TBC1D31: variants seen among roughly 807,000 people sequenced by gnomAD.
TBC1D31 encodes TBC1 domain family member 31, also known as WD repeat domain 67.
Under a neutral mutation model 132.9 loss-of-function variants are expected in TBC1D31, and 99 were observed. The ratio of observed to expected loss-of-function variants is 0.74; its 90% CI spans 0.63 to 0.88. The LOEUF (loss-of-function observed/expected upper bound fraction) is 0.88, where lower values mean the gene tolerates loss of function less well. TBC1D31 is among the 40% of genes least tolerant of loss of function. The pLI is 0.00. For missense variants in TBC1D31, 1,134 were observed against 1,256.6 expected, an observed-to-expected ratio of 0.90 and a Z score of 1.48; for synonymous variants, 385 against 419.4, an observed-to-expected ratio of 0.92 and a Z score of 1.00.
chr8:123,116,268 C>T (rs11781484), intron 10 of TBC1D31, among the ~76,000 whole-genome samples: 45,663 of 151,918 alleles, frequency 0.3, 6,888 homozygotes, highest in African/African-American at 0.32. Context: ...TCATATCTTA[C>T]ACCATATAAA....
chr8:123,097,095 A>C (rs911048856), intron 5 of TBC1D31, among the ~76,000 whole-genome samples, 187 bp from the exon 6 acceptor site: 1 of 152,222 alleles, frequency 6.6e-6, no homozygotes, highest in Non-Finnish European at 1.5e-5. Context: ...AAATTAAATA[A>C]AATTTAAAAA....
chr8:123,128,185 A>AG, intron 13 of TBC1D31, 96 bp from the exon 14 acceptor site: 1 of 619,240 alleles, frequency 1.6e-6, no homozygotes, highest in South Asian at 2.4e-5. Context: ...ATATATTCTT[A>AG]AAGATAGATA....
At chr8:123,119,238 C>T (rs1461421684) in intron 10 of TBC1D31, among the ~76,000 whole-genome samples, 2 of 152,182 alleles carry the variant, frequency 1.3e-5, no homozygotes, top group Non-Finnish European at 2.9e-5. Context: ...TAATTTGGCA[C>T]TGACTTTCGA....
In TBC1D31 at chr8:123,072,710, C is replaced by CCGGGAAGGCGCTGGGACGGTTACCCAG; in HGVS notation, c.-55_-29dup. 2.6e-6 allele frequency: 4 copies of CCGGGAAGGCGCTGGGACGGTTACCCAG among 1,527,640 alleles called. No individual in the cohort carries two copies. Among genetic ancestry groups the CCGGGAAGGCGCTGGGACGGTTACCCAG allele is most frequent in the Non-Finnish European group, 3.5e-6 (4 of 1,129,230 alleles). 94.6% of individuals were successfully genotyped at this position (1,527,640 alleles called of 1,614,324 possible). A position where few individuals can be genotyped will look rare whatever the true frequency, so the allele number is the denominator to read the frequency against. On this transcript the variant is annotated 5_prime_UTR_variant, in exon 1 of 22. Transcript: ENST00000287380. ...TCCCGGGCCGGGAGCGCTGGGCCTG[C>CCGGGAAGGCGCTGGGACGGTTACCCAG]CGGGAAGGCGCTGGGACGGTTACCC...
Position 123,140,960 on chromosome 8 carries a change from T to C in TBC1D31, c.2640+59T>C, listed in dbSNP as rs1821600615. 4 of 1,490,612 alleles carry C rather than the reference T, an allele frequency of 2.7e-6. No homozygotes were observed. In the South Asian group the frequency reaches 4.9e-5, roughly 18 times the overall value. 92.3% of individuals were successfully genotyped at this position (1,490,612 alleles called of 1,614,324 possible). A position where few individuals can be genotyped will look rare whatever the true frequency, so the allele number is the denominator to read the frequency against. The stretch of plus-strand genomic sequence containing the variant: ...GGAGAAATTTTCATCTGTCACCCTC[T>C]TAAGAGAACAAAATCGAAATTAAAC... On this transcript the variant is annotated intron_variant, in intron 18 of 21. Transcript: ENST00000287380.
intron 11 of TBC1D31, among the ~76,000 whole-genome samples, chr8:123,121,532 G>A (rs116282830): frequency 6.6e-6 from 1 of 152,090 alleles, no homozygotes; most frequent in Non-Finnish European, 1.5e-5. Context: ...GGTTGTAAGC[G>A]AGTTCTCGCT....
At position 123,151,894 on chromosome 8, in the gene TBC1D31, C is replaced by T; in HGVS notation, c.3156C>T (p.Ala1052=). Reference sequence around the variant, plus strand: ...GAAATCTTCGCCAGAGACTCACTGCCCGGGCTCGTCACAGATGTCAAACCC... The same window carrying T: ...GAAATCTTCGCCAGAGACTCACTGCTCGGGCTCGTCACAGATGTCAAACCC... ...KVRNLRQRLT[A]RARHRCQTPH... The change falls in exon 22 of 22, where the codon GCC becomes GCT. Residue 1052 remains alanine, a synonymous_variant. Transcript: ENST00000287380. 1 of 1,587,206 alleles carries T rather than the reference C, an allele frequency of 6.3e-7. No homozygotes were observed. The highest frequency in any genetic ancestry group is 2.3e-5 in the East Asian group (1 of 43,634).
At chr8:123,131,342 C>T (rs987337988) in intron 16 of TBC1D31, among the ~76,000 whole-genome samples, 15 of 119,594 alleles carry the variant, frequency 1.3e-4, no homozygotes, top group Non-Finnish European at 1.9e-4. Context: ...CCAGCCTGAG[C>T]GACAGAGTGA....
chr8:123,140,287 G>A lies in TBC1D31; in HGVS notation c.2500-474G>A, dbSNP rs569546476. Reference sequence around the variant, plus strand: ...TGAGGCAGGAGAATCACTTGAACCCGGGAGGTGGAGGTTGCAGTGAGCTGA... The same window carrying A: ...TGAGGCAGGAGAATCACTTGAACCCAGGAGGTGGAGGTTGCAGTGAGCTGA... On this transcript the variant is annotated intron_variant, in intron 17 of 21. Coordinates refer to ENST00000287380, the MANE Select transcript of TBC1D31 (RefSeq NM_145647.4). 1.9e-4 allele frequency among the ~76,000 whole-genome samples: 29 copies of A among 152,260 alleles called. No homozygotes were observed. The South Asian group carries it at 5.0e-3, about 26-fold the overall frequency.
At chr8:123,102,870 C>T (rs1487578855) in intron 7 of TBC1D31, 3 of 152,384 alleles carry the variant, frequency 2.0e-5, no homozygotes, top group Admixed American at 1.3e-4. Context: ...GGTCCCCAAG[C>T]GTAGCGCTGA....
At chr8:123,077,629 T>C (rs1814679638) in intron 2 of TBC1D31, among the ~76,000 whole-genome samples, 1 of 151,950 alleles carries the variant, frequency 6.6e-6, no homozygotes, top group Admixed American at 6.6e-5. Context: ...CCTCCCAGGT[T>C]CCAGCTACCG....
At chr8:123,072,951 C>G in intron 1 of TBC1D31, 105 bp downstream of exon 1, 1 of 1,172,038 alleles carries the variant, frequency 8.5e-7, no homozygotes, top group African/African-American at 1.5e-5. Context: ...CTGACCTTGC[C>G]CCGCATCCCT....
chr8:123,102,270 A>C, intron 7 of TBC1D31: 1 of 456,700 alleles, frequency 2.2e-6, no homozygotes, highest in Non-Finnish European at 4.4e-6. Flanking sequence ...CTCAAAATTA[A>C]TCACACAGCG....
chr8:123,117,049 T>C (rs1818986339), intron 10 of TBC1D31, among the ~76,000 whole-genome samples: 1 of 152,186 alleles, frequency 6.6e-6, no homozygotes, highest in African/African-American at 2.4e-5. Flanking sequence ...GCACGGTGGC[T>C]CACGCCTGCA....
In TBC1D31 at chr8:123,087,304, G is replaced by A. The variant is rs761447770; in HGVS notation, c.519+2964G>A. Reference sequence around the variant, plus strand: ...ATTTTCAGGAGTATCTGAGTCTCTTGTGTGATTAATTATTTTGCTTCAGGT... The same window carrying A: ...ATTTTCAGGAGTATCTGAGTCTCTTATGTGATTAATTATTTTGCTTCAGGT... On this transcript the variant is annotated intron_variant, in intron 4 of 21. Transcript: ENST00000287380. Among the ~76,000 whole-genome samples the A allele has an allele frequency of 2.6e-5, 4 of 152,018 alleles. No individual in the cohort carries two copies. The South Asian group carries it at 8.3e-4, about 31-fold the overall frequency.
chr8:123,164,802 T>C, the TBC1D31 span, among the ~76,000 whole-genome samples: 71 of 152,270 alleles, frequency 4.7e-4, no homozygotes, highest in Non-Finnish European at 8.4e-4. Flanking sequence ...CCTAATACTG[T>C]TCCCCTTCCA....
chr8:123,134,142 C>T lies in TBC1D31; in HGVS notation c.2435C>T (p.Ala812Val). 2 of 1,613,822 alleles carry T rather than the reference C, an allele frequency of 1.2e-6. No homozygotes were observed. Among genetic ancestry groups the T allele is most frequent in the Non-Finnish European group, 1.7e-6 (2 of 1,179,848 alleles). The change falls in exon 17 of 22, where the codon GCC (alanine) becomes GTC (valine). Residue 812 changes from alanine to valine, a missense_variant. Coordinates refer to ENST00000287380, the MANE Select transcript of TBC1D31 (RefSeq NM_145647.4). ...TATATGAGAGATCGAGAAATTGCTG[C>T]CACAGCCAGAGACCTAGAAATGAGA... Reference protein sequence around the residue: ...KVYMRDREIAATARDLEMRQL... With the variant: ...KVYMRDREIAVTARDLEMRQL...
chr8:123,109,724 C>T, intron 10 of TBC1D31, 104 bp downstream of exon 10: 1 of 1,078,854 alleles, frequency 9.3e-7, no homozygotes, highest in Non-Finnish European at 1.3e-6. Flanking sequence ...GTTTGATTAT[C>T]CTTATGTGAT....
At position 123,109,348 on chromosome 8, in the gene TBC1D31, G is replaced by A. The variant is rs16897967; in HGVS notation, c.1241G>A (p.Arg414His). The A allele has an allele frequency of 1.1e-3, 1,688 of 1,603,888 alleles. 16 individuals carry two copies. The African/African-American group carries it at 0.02, about 19-fold the overall frequency. The change falls in exon 9 of 22, where the codon CGT (arginine) becomes CAT (histidine). Residue 414 changes from arginine (R) to histidine (H), a missense_variant. Transcript: ENST00000287380. ...NELPDGLNKK[R>H]LQILLKGYGE... ...TTACCAGATGGATTAAACAAAAAGCGTTTACAAATCTTATTAAAAGGCTAT... is the reference window on the plus strand; with the variant it reads ...TTACCAGATGGATTAAACAAAAAGCATTTACAAATCTTATTAAAAGGCTAT...
Sources: allele counts gnomAD v4.1 joint callset (sites outside exome capture counted in the v4.1 genomes callset), GRCh38; gene constraint gnomAD v4.1.1; transcripts MANE v1.5; gene names NCBI Gene and HGNC (gene_info 2026-07-23, HGNC 2026-07-21).